Variants in CRTAM observed in about 807,000 individuals in gnomAD.
CRTAM encodes cytotoxic and regulatory T cell molecule.
Under a neutral mutation model 50.0 loss-of-function variants are expected in CRTAM, and 44 were observed. The observed-to-expected ratio is 0.88, with a 90% CI of 0.69 to 1.13. The LOEUF (loss-of-function observed/expected upper bound fraction) is 1.13. Ranked by LOEUF, CRTAM falls within the 50% of genes most tolerant of loss-of-function variation. CRTAM has a pLI of 0.00. For missense variants in CRTAM, 448 were observed against 457.5 expected (o/e 0.98, Z 0.19); for synonymous variants, 159 against 169.3 (o/e 0.94, Z 0.47).
intron 5 of CRTAM, among the ~76,000 whole-genome samples, chr11:122,860,479 G>A (rs1862057711): frequency 6.6e-6 from 1 of 152,182 alleles, no homozygotes; most frequent in Admixed American, 6.5e-5. Flanking sequence ...TCATGTGCCA[G>A]TATCCACCCA....
At chr11:122,847,155 G>C (rs895442217) in intron 1 of CRTAM, among the ~76,000 whole-genome samples, 7 of 152,100 alleles carry the variant, frequency 4.6e-5, no homozygotes, top group African/African-American at 1.7e-4. Context: ...TGTTTTTCCT[G>C]TTTTTATGGT....
chr11:122,853,859 C>A, intron 3 of CRTAM, 84 bp from the exon 4 acceptor site: 1 of 1,291,426 alleles, frequency 7.7e-7, no homozygotes, highest in South Asian at 1.4e-5. Context: ...CTATAACAAT[C>A]ACCTACAGAT....
At position 122,862,252 on chromosome 11, in the gene CRTAM, T is replaced by C. The variant is rs1862095269; in HGVS notation, c.653-212T>C. ...CACCACACAGAGGTCCAGCATGCTG[T>C]GCTTTAAGCCAGGCAGGTGAGCAGA... On this transcript the variant is annotated intron_variant, in intron 5 of 9. Coordinates refer to ENST00000227348, the MANE Select transcript of CRTAM (RefSeq NM_019604.4). 1.4e-5 allele frequency: 8 copies of C among 570,266 alleles called. No homozygotes were observed. The South Asian group carries it at 1.9e-4, about 14-fold the overall frequency. The allele number at this position is 570,266 out of a possible 1,614,324, so 35.3% of individuals were successfully genotyped here.
intron 5 of CRTAM, among the ~76,000 whole-genome samples, chr11:122,861,255 A>G (rs1862069904): frequency 1.3e-5 from 2 of 151,076 alleles, no homozygotes; most frequent in South Asian, 4.2e-4. Flanking sequence ...TTAACCAGAT[A>G]TGTTTTCAAA....
chr11:122,848,389 C>T (rs1011889685), intron 1 of CRTAM, among the ~76,000 whole-genome samples: 1 of 152,156 alleles, frequency 6.6e-6, no homozygotes, highest in African/African-American at 2.4e-5. Flanking sequence ...TCCAAATGGC[C>T]AAACCTAAGC....
At chr11:122,847,499 G>C (rs1166914392) in intron 1 of CRTAM, among the ~76,000 whole-genome samples, 1 of 152,228 alleles carries the variant, frequency 6.6e-6, no homozygotes, top group Non-Finnish European at 1.5e-5. Context: ...CATGAACACA[G>C]GATAGGGAGA....
rs543530155 is a variant in CRTAM, at chr11:122,868,933, C to T, written c.1051+834C>T. The stretch of plus-strand genomic sequence containing the variant: ...CTGAGGCAGGAGAATGGCGTGAACC[C>T]GGGAGGCGGAGCTTGCAGTGAGCCG... On this transcript the variant is annotated intron_variant, in intron 9 of 9. Coordinates refer to ENST00000227348, the MANE Select transcript of CRTAM (RefSeq NM_019604.4). 2.5e-3 allele frequency among the ~76,000 whole-genome samples: 387 copies of T among 152,160 alleles called. 2 individuals carry two copies. The highest frequency in any genetic ancestry group is 8.9e-3 in the African/African-American group (368 of 41,514).
intron 1 of CRTAM, among the ~76,000 whole-genome samples, chr11:122,849,452 T>C (rs567152133): frequency 6.6e-6 from 1 of 152,328 alleles, no homozygotes; most frequent in East Asian, 1.9e-4. Context: ...TTGGGTGCTG[T>C]GGCTCACACC....
chr11:122,864,921 C>G (rs1862148908), intron 7 of CRTAM, among the ~76,000 whole-genome samples: 1 of 152,140 alleles, frequency 6.6e-6, no homozygotes. Flanking sequence ...TTATTTGTTG[C>G]TAACCACTGC....
At position 122,841,128 on chromosome 11, in the gene CRTAM, G is replaced by A. The variant is rs185943463; in HGVS notation, c.46+2536G>A. On this transcript the variant is annotated intron_variant, in intron 1 of 9. Transcript: ENST00000227348. Reference sequence around the variant, plus strand: ...CTTTAAAATGTACTAAAAATATTCCGATTCTGACAAGTCTGATTTATTTTT... The same window carrying A: ...CTTTAAAATGTACTAAAAATATTCCAATTCTGACAAGTCTGATTTATTTTT... Among the ~76,000 whole-genome samples, 416 of 152,142 alleles carry A rather than the reference G, an allele frequency of 2.7e-3. 2 individuals carry two copies. The highest frequency in any genetic ancestry group is 9.4e-3 in the African/African-American group (389 of 41,498).
rs1862195502 is a variant in CRTAM, at chr11:122,867,565, C to T, written c.964+10C>T. 1 of 1,610,068 alleles carries T rather than the reference C, an allele frequency of 6.2e-7. No individual in the cohort carries two copies. The highest frequency in any genetic ancestry group is 1.3e-5 in the African/African-American group (1 of 74,852). On this transcript the variant is annotated intron_variant, in intron 8 of 9. Coordinates refer to ENST00000227348, the MANE Select transcript of CRTAM (RefSeq NM_019604.4). ...GTGATATGGAAGAAAGGTCAGTGGGCAGGGAACCTGACGGGGGCTATAAGA... is the reference window on the plus strand; with the variant it reads ...GTGATATGGAAGAAAGGTCAGTGGGTAGGGAACCTGACGGGGGCTATAAGA...
In CRTAM at chr11:122,871,282, G is replaced by A; in HGVS notation, c.1065G>A (p.Met355Ile). Residue 355 changes from methionine to isoleucine, a missense_variant, in exon 10 of 10, where the codon ATG (methionine) becomes ATA (isoleucine). Met to Ile is a conservative substitution (Grantham distance 10, BLOSUM62 1). Transcript: ENST00000227348. Reference sequence around the variant, plus strand: ...TTTTTCTTTCAGCTTCCCACCCTATGCGTTGCATGAACTACATCACAAAGT... The same window carrying A: ...TTTTTCTTTCAGCTTCCCACCCTATACGTTGCATGAACTACATCACAAAGT... ...EEKNGQSSHPMRCMNYITKLY... is the reference protein window; with the variant it reads ...EEKNGQSSHPIRCMNYITKLY... 1 of 1,612,952 alleles carries A rather than the reference G, an allele frequency of 6.2e-7. No homozygotes were observed. The highest frequency in any genetic ancestry group is 8.5e-7 in the Non-Finnish European group (1 of 1,179,500).
At position 122,844,657 on chromosome 11, in the gene CRTAM, GAATTTTAGAGAAATA is replaced by G. The variant is rs375271422; in HGVS notation, c.47-5410_47-5396del. On this transcript the variant is annotated intron_variant, in intron 1 of 9. Transcript: ENST00000227348. ...CATTGTAATAGTTTCTGTAAGGAAT[GAATTTTAGAGAAATA>G]TAAAACATAGCCGTTGTCCTCTAGA... 3.3e-4 allele frequency among the ~76,000 whole-genome samples: 51 copies of G among 152,338 alleles called. 1 individual carries two copies. The highest frequency in any genetic ancestry group is 1.2e-3 in the African/African-American group (50 of 41,576).
rs1565285611 is a variant in CRTAM at position 122,838,523 on chromosome 11, G to A, written c.-24G>A. 2 of 1,611,990 alleles carry A rather than the reference G, an allele frequency of 1.2e-6. No homozygotes were observed. Among genetic ancestry groups the A allele is most frequent in the Non-Finnish European group, 1.7e-6 (2 of 1,179,140 alleles). On this transcript the variant is annotated 5_prime_UTR_variant, in exon 1 of 10. Transcript: ENST00000227348. ...TCAGAATCTAGAGGAAGTTGACAAA[G>A]GTGCCACAGCAGCACAGCACAGTAT...
chr11:122,862,398 T>C (rs1163062891), intron 5 of CRTAM, 66 bp from the exon 6 acceptor site: 9 of 992,534 alleles, frequency 9.1e-6, no homozygotes, highest in Non-Finnish European at 1.5e-5. Flanking sequence ...CAATCTCTTT[T>C]ACTGAGCACA....
rs1861972484 is a variant in CRTAM at position 122,854,093 on chromosome 11, G to A, written c.490+7G>A. On this transcript the variant is annotated splice_region_variant and intron_variant, in intron 4 of 9. Transcript: ENST00000227348. ...AATAGCATGGAAGTGTCCGGTAAGG[G>A]GAGAAATGGTTCTCTTTGTCTTCCT... The A allele has an allele frequency of 6.2e-7, 1 of 1,605,962 alleles. No individual in the cohort carries two copies. Among genetic ancestry groups the A allele is most frequent in the Admixed American group, 1.7e-5 (1 of 58,012 alleles).
chr11:122,851,163 G>A (rs1861924716), intron 2 of CRTAM, among the ~76,000 whole-genome samples: 2 of 151,904 alleles, frequency 1.3e-5, no homozygotes, highest in Admixed American at 6.6e-5. Context: ...TATTGGGGGA[G>A]GCTGAGGCAG....
At chr11:122,850,477 C>T (rs1861916833) in intron 2 of CRTAM, among the ~76,000 whole-genome samples, 2 of 152,174 alleles carry the variant, frequency 1.3e-5, no homozygotes, top group African/African-American at 4.8e-5. Flanking sequence ...CATGTCCCCA[C>T]CCCACACTCA....
intron 5 of CRTAM, among the ~76,000 whole-genome samples, chr11:122,858,529 T>C (rs1384934442): frequency 6.6e-6 from 1 of 151,878 alleles, no homozygotes; most frequent in Admixed American, 6.6e-5. Flanking sequence ...CACACCTGGC[T>C]CTTTTTGTTG....
Sources: gnomAD v4.1 joint callset for allele counts (sites outside exome capture counted in the v4.1 genomes callset) on GRCh38, gnomAD v4.1.1 for gene constraint, MANE v1.5 for transcripts, NCBI Gene and HGNC (gene_info 2026-07-23, HGNC 2026-07-21) for gene names.